Variants in CMC1 observed in about 807,000 individuals in gnomAD.
CMC1 encodes the protein C-X9-C motif containing 1, also known as COX assembly mitochondrial protein homolog.
CMC1 carries 14 observed loss-of-function variants against 14.1 expected under a neutral mutation model. The ratio of observed to expected loss-of-function variants is 0.99; its 90% confidence interval spans 0.66 to 1.55. The LOEUF is 1.55. CMC1 is among the 40% of genes most tolerant of loss of function. The pLI is 0.00. For missense variants in CMC1, 127 were observed against 123.8 expected (o/e 1.03, Z -0.12); for synonymous variants, 50 against 38.4 (o/e 1.30, Z -1.12).
In CMC1 at chr3:28,324,155, TAGG is replaced by T. The variant is rs1400198131; in HGVS notation, c.*4531_*4533del. The T allele has an allele frequency of 6.2e-7, 1 of 1,610,748 alleles. No individual in the cohort carries two copies. The highest frequency in any genetic ancestry group is 8.5e-7 in the Non-Finnish European group (1 of 1,177,658). ...TCCCCAAATGCTGTCTCACTTGATT[TAGG>T]AGGACTTGGAAATACCCAGGAATTG... is the stretch of plus-strand genomic sequence containing the variant. On this transcript the variant is annotated 3_prime_UTR_variant, in exon 4 of 4. Transcript: ENST00000466830.
chr3:28,281,861 T>C (rs1700911881), intron 2 of CMC1, among the ~76,000 whole-genome samples: 1 of 152,160 alleles, frequency 6.6e-6, no homozygotes, highest in Non-Finnish European at 1.5e-5. Flanking sequence ...ACCCAGGATT[T>C]AAGGCACAGA....
intron 1 of CMC1, among the ~76,000 whole-genome samples, chr3:28,242,244 T>C (rs2125407069): frequency 6.6e-6 from 1 of 152,286 alleles, no homozygotes; most frequent in South Asian, 2.1e-4. Context: ...AAAACATATT[T>C]CAAAGGATCC....
chr3:28,241,652 G>T lies in CMC1; in HGVS notation c.-142G>T. 1 of 1,233,292 alleles carries T rather than the reference G, an allele frequency of 8.1e-7. No homozygotes were observed. Among genetic ancestry groups the T allele is most frequent in the Non-Finnish European group, 1.0e-6 (1 of 987,846 alleles). The allele number at this position is 1,233,292 out of a possible 1,614,324, so 76.4% of individuals were successfully genotyped here. On this transcript the variant is annotated 5_prime_UTR_variant, in exon 1 of 4. Coordinates refer to ENST00000466830, the MANE Select transcript of CMC1 (RefSeq NM_182523.2). ...AAGGAAGAGGGAACGGGTCCTGGCG[G>T]TGCTTTGCAAAGGGCCCGTGTTTCT...
At chr3:28,263,438 T>G (rs1699837665) in intron 2 of CMC1, 58 bp downstream of exon 2, 5 of 1,146,908 alleles carry the variant, frequency 4.4e-6, no homozygotes, top group African/African-American at 1.6e-5. Context: ...TGATCTGAAT[T>G]TAATCCTTAG....
At position 28,323,884 on chromosome 3, in the gene CMC1, T is replaced by G; in HGVS notation, c.*4255T>G. 1.3e-6 allele frequency: 1 copy of G among 743,918 alleles called. No individual in the cohort carries two copies. The highest frequency in any genetic ancestry group is 2.1e-6 in the Non-Finnish European group (1 of 479,402). The allele number at this position is 743,918 out of a possible 1,614,324, so 46.1% of individuals were successfully genotyped here. A position where few individuals can be genotyped will look rare whatever the true frequency, so the allele number is the denominator to read the frequency against. On this transcript the variant is annotated 3_prime_UTR_variant, in exon 4 of 4. Transcript: ENST00000466830. ...CTTTCATACTAGAAAACCAACTATGTTGGTTTTTGTACTATTGTACAGTGT... is the reference window on the plus strand; with the variant it reads ...CTTTCATACTAGAAAACCAACTATGGTGGTTTTTGTACTATTGTACAGTGT...
At chr3:28,276,926 A>G (rs973475757) in intron 2 of CMC1, among the ~76,000 whole-genome samples, 1 of 152,214 alleles carries the variant, frequency 6.6e-6, no homozygotes, top group African/African-American at 2.4e-5. Context: ...AGATAAAAGC[A>G]GTTTTATTGT....
intron 1 of CMC1, among the ~76,000 whole-genome samples, chr3:28,246,860 T>G (rs1035672403): frequency 2.6e-5 from 4 of 151,818 alleles, no homozygotes; most frequent in African/African-American, 9.7e-5. Context: ...AAATAATGAT[T>G]TTCTACCTCC....
chr3:28,253,380 C>A (rs528916273), intron 1 of CMC1, among the ~76,000 whole-genome samples: 2 of 152,104 alleles, frequency 1.3e-5, no homozygotes, highest in South Asian at 4.2e-4. Flanking sequence ...AGTTTGAGAC[C>A]AGCCTGGGAA....
At chr3:28,266,407 C>T (rs1331034367) in intron 2 of CMC1, among the ~76,000 whole-genome samples, 1 of 151,844 alleles carries the variant, frequency 6.6e-6, no homozygotes, top group East Asian at 1.9e-4. Flanking sequence ...TTTTGGGTGA[C>T]AAATAGTGTT....
intron 1 of CMC1, among the ~76,000 whole-genome samples, chr3:28,249,629 G>T (rs907287229): frequency 6.6e-6 from 1 of 152,090 alleles, no homozygotes; most frequent in Non-Finnish European, 1.5e-5. Context: ...CTGGTCTGGG[G>T]TGGGGCCCAA....
intron 2 of CMC1, among the ~76,000 whole-genome samples, chr3:28,279,537 G>A (rs996090068): frequency 6.9e-6 from 1 of 145,908 alleles, no homozygotes; most frequent in Non-Finnish European, 1.5e-5. Context: ...GAATCTTAAA[G>A]CAGCTGTTGT....
chr3:28,269,675 C>G (rs1391696310), intron 2 of CMC1, among the ~76,000 whole-genome samples: 1 of 152,120 alleles, frequency 6.6e-6, no homozygotes, highest in Non-Finnish European at 1.5e-5. Context: ...AAGTGATTCC[C>G]CTGCCTCAGC....
rs377671062 is a variant in CMC1 at position 28,261,176 on chromosome 3, GT to G, written c.20-2104del. Among the ~76,000 whole-genome samples the G allele has an allele frequency of 7.8e-3, 1,154 of 147,758 alleles. 15 individuals carry two copies. The highest frequency in any genetic ancestry group is 0.024 in the African/African-American group (955 of 40,578). ...TTTACATTTGTATATCATGCGTTCA[GT>G]TTTTTTTTTTCTATCAGAGCATATT... On this transcript the variant is annotated intron_variant, in intron 1 of 3. Transcript: ENST00000466830.
intron 2 of CMC1, among the ~76,000 whole-genome samples, chr3:28,305,825 C>T (rs142042292): frequency 9.2e-5 from 6 of 64,920 alleles, no homozygotes; most frequent in Admixed American, 7.0e-4. Flanking sequence ...TGAGGTCTTA[C>T]GTTTAAGTCT....
chr3:28,283,030 A>T (rs1284401443), intron 2 of CMC1, among the ~76,000 whole-genome samples: 3 of 152,194 alleles, frequency 2.0e-5, no homozygotes, highest in African/African-American at 7.2e-5. Flanking sequence ...TATTTGTTGC[A>T]AAGTATTTCC....
chr3:28,248,884 G>C (rs34419916), intron 1 of CMC1, among the ~76,000 whole-genome samples: 32,954 of 152,116 alleles, frequency 0.22, 3,736 homozygotes, highest in Middle Eastern at 0.28. Context: ...CCGCTTCCTG[G>C]GTTTGTGCCA....
At chr3:28,295,826 ATTT>A (rs1364431923) in intron 2 of CMC1, among the ~76,000 whole-genome samples, 1 of 151,974 alleles carries the variant, frequency 6.6e-6, no homozygotes. Context: ...TGAATACTGT[ATTT>A]TTTATCTGTG....
At chr3:28,271,333 C>T (rs1463799954) in intron 2 of CMC1, among the ~76,000 whole-genome samples, 1 of 152,110 alleles carries the variant, frequency 6.6e-6, no homozygotes, top group East Asian at 1.9e-4. Context: ...CTTCTGACCT[C>T]AAGTGATCCA....
At chr3:28,293,424 G>A (rs1701583899) in intron 2 of CMC1, among the ~76,000 whole-genome samples, 1 of 151,962 alleles carries the variant, frequency 6.6e-6, no homozygotes. Context: ...ATGATGCCAG[G>A]AGTTTGATTT....
Sources: allele counts gnomAD v4.1 joint callset (sites outside exome capture counted in the v4.1 genomes callset), GRCh38; gene constraint gnomAD v4.1.1; transcripts MANE v1.5; gene names NCBI Gene and HGNC (gene_info 2026-07-23, HGNC 2026-07-21).